Variants in ITGA9 observed in about 807,000 individuals in gnomAD.
The protein encoded by ITGA9 is integrin subunit alpha 9, also known as integrin alpha-9.
ITGA9 carries 56 observed loss-of-function variants against 127.8 expected under a neutral mutation model. The ratio of observed to expected loss-of-function variants is 0.44; its 90% CI spans 0.35 to 0.55. The LOEUF (loss-of-function observed/expected upper bound fraction) is 0.55, where lower values mean the gene tolerates loss of function less well. Ranked by LOEUF, ITGA9 falls within the 20% of genes least tolerant of loss-of-function variation. The probability of loss-of-function intolerance (pLI) is 0.00; values close to 1 mark genes in which losing one functional copy is unlikely to be tolerated. For synonymous variants in ITGA9, 508 were observed against 514.5 expected, an observed-to-expected ratio of 0.99 and a Z score of 0.17; for missense variants, 1,196 against 1,347.1, an observed-to-expected ratio of 0.89 and a Z score of 1.76.
chr3:37,578,813 A>G lies in ITGA9; in HGVS notation c.1689+36228A>G, dbSNP rs112462708. On this transcript the variant is annotated intron_variant, in intron 15 of 27. Coordinates refer to ENST00000264741, the MANE Select transcript of ITGA9 (RefSeq NM_002207.3). ...AGAGGGCTACAGGGAAAACTTCATC[A>G]TGATGGGAGGGAAGAAAGAAGGTAA... Among the ~76,000 whole-genome samples the G allele has an allele frequency of 3.5e-3, 486 of 136,952 alleles. 2 individuals are homozygous for G. The highest frequency in any genetic ancestry group is 0.013 in the African/African-American group (456 of 36,302). The allele number at this position is 136,952 out of a possible 152,430, so 89.8% of individuals were successfully genotyped here. A position where few individuals can be genotyped will look rare whatever the true frequency, so the allele number is the denominator to read the frequency against.
intron 18 of ITGA9, among the ~76,000 whole-genome samples, chr3:37,727,353 G>A (rs1180730440): frequency 6.6e-6 from 1 of 152,190 alleles, no homozygotes; most frequent in Non-Finnish European, 1.5e-5. Flanking sequence ...GTCTTTGCCA[G>A]ACAAGGAAAA....
At chr3:37,810,063 G>A (rs6776636) in intron 27 of ITGA9, among the ~76,000 whole-genome samples, 15,544 of 152,226 alleles carry the variant, frequency 0.1, 1,320 homozygotes, top group African/African-American at 0.23. Context: ...AGCGGTTGGC[G>A]GGGACAGTGT....
chr3:37,497,965 A>G (rs1698748559), intron 5 of ITGA9, among the ~76,000 whole-genome samples: 1 of 152,188 alleles, frequency 6.6e-6, no homozygotes, highest in South Asian at 2.1e-4. Context: ...GCAACAGGAC[A>G]GTGTAGAGGG....
intron 5 of ITGA9, 64 bp from the exon 6 acceptor site, chr3:37,503,114 A>G: frequency 1.9e-6 from 3 of 1,592,646 alleles, no homozygotes; most frequent in Non-Finnish European, 2.6e-6. Flanking sequence ...TGTGGTTCTC[A>G]TTGCATTCCC....
intron 18 of ITGA9, among the ~76,000 whole-genome samples, chr3:37,695,565 G>A (rs921596520): frequency 4.6e-5 from 7 of 152,188 alleles, no homozygotes; most frequent in East Asian, 3.8e-4. Flanking sequence ...GCTACAGTCC[G>A]TCACCATCCA....
At chr3:37,519,905 T>TG (rs1356223414) in intron 11 of ITGA9, among the ~76,000 whole-genome samples, 1 of 152,080 alleles carries the variant, frequency 6.6e-6, no homozygotes, top group Non-Finnish European at 1.5e-5. Flanking sequence ...GCCCAGCCCA[T>TG]GGGAAAAAAG....
intron 23 of ITGA9, among the ~76,000 whole-genome samples, chr3:37,771,947 C>T (rs770724261): frequency 1.3e-5 from 2 of 152,136 alleles, no homozygotes; most frequent in Non-Finnish European, 2.9e-5. Context: ...CTGCCCCAGC[C>T]CCATCCTCAG....
intron 9 of ITGA9, among the ~76,000 whole-genome samples, chr3:37,515,509 G>A (rs747852455): frequency 7.8e-4 from 119 of 152,302 alleles, no homozygotes; most frequent in Non-Finnish European, 1.5e-3. Flanking sequence ...AGGCCCAGGT[G>A]GGAGGATCAC....
In ITGA9 at chr3:37,788,806, T is replaced by A. The variant is rs1012130818; in HGVS notation, c.2889+3728T>A. Among the ~76,000 whole-genome samples, 6 of 152,298 alleles carry A rather than the reference T, an allele frequency of 3.9e-5. No homozygotes were observed. In the East Asian group the frequency reaches 5.8e-4, roughly 15 times the overall value. ...CCACATTTCATTTACCATGGTTTTTTAATTTAATTATTCTTTAAATTTTTC... is the reference window on the plus strand; with the variant it reads ...CCACATTTCATTTACCATGGTTTTTAAATTTAATTATTCTTTAAATTTTTC... On this transcript the variant is annotated intron_variant, in intron 26 of 27. Coordinates refer to ENST00000264741, the MANE Select transcript of ITGA9 (RefSeq NM_002207.3).
chr3:37,806,621 C>G lies in ITGA9; in HGVS notation c.3009+2679C>G. The stretch of plus-strand genomic sequence containing the variant: ...GATGCTGTCATGGGTGGGGAGAACC[C>G]TGAGGTCACCCAGCTGTGTGGGATC... On this transcript the variant is annotated intron_variant, in intron 27 of 27. Coordinates refer to ENST00000264741, the MANE Select transcript of ITGA9 (RefSeq NM_002207.3). The surrounding 1 kb of genome is among the most constrained non-coding windows in gnomAD (Gnocchi z 4.3). 1 of 152,334 alleles carries G rather than the reference C, an allele frequency of 6.6e-6. No individual in the cohort carries two copies. Among genetic ancestry groups the G allele is most frequent in the Non-Finnish European group, 1.5e-5 (1 of 68,098 alleles). 9.4% of individuals were successfully genotyped at this position (152,334 alleles called of 1,614,324 possible). A position where few individuals can be genotyped will look rare whatever the true frequency, so the allele number is the denominator to read the frequency against.
intron 15 of ITGA9, among the ~76,000 whole-genome samples, chr3:37,566,912 A>T (rs1344666311): frequency 6.6e-6 from 1 of 152,226 alleles, no homozygotes; most frequent in African/African-American, 2.4e-5. Context: ...TGTGGCTGAC[A>T]TTGATTACAC....
At chr3:37,804,706 C>A (rs1340101223) in intron 27 of ITGA9, among the ~76,000 whole-genome samples, 2 of 152,184 alleles carry the variant, frequency 1.3e-5, no homozygotes, top group Non-Finnish European at 1.5e-5. Flanking sequence ...AAAGTCCATA[C>A]TTCTCTAGAA....
At chr3:37,612,803 C>A (rs1356212781) in intron 15 of ITGA9, among the ~76,000 whole-genome samples, 3 of 152,198 alleles carry the variant, frequency 2.0e-5, no homozygotes, top group African/African-American at 7.2e-5. Context: ...CAGCCCTTTT[C>A]TTTCTGAGCT....
At chr3:37,712,466 C>G (rs866340587) in intron 18 of ITGA9, among the ~76,000 whole-genome samples, 5 of 152,224 alleles carry the variant, frequency 3.3e-5, no homozygotes, top group African/African-American at 9.6e-5. Flanking sequence ...TGTGAGGTAT[C>G]TGTACTTGTT....
chr3:37,486,579 C>T (rs2125561343), intron 4 of ITGA9, among the ~76,000 whole-genome samples: 1 of 152,278 alleles, frequency 6.6e-6, no homozygotes, highest in Middle Eastern at 3.4e-3. Flanking sequence ...CTTAAATATT[C>T]TCAGAAGGTG....
At chr3:37,636,602 A>T (rs1186575873) in intron 16 of ITGA9, among the ~76,000 whole-genome samples, 1 of 152,136 alleles carries the variant, frequency 6.6e-6, no homozygotes, top group African/African-American at 2.4e-5. Flanking sequence ...CTCTGATGGT[A>T]GTTTCTTTTG....
intron 15 of ITGA9, among the ~76,000 whole-genome samples, chr3:37,588,087 T>C (rs1699775824): frequency 6.6e-6 from 1 of 152,232 alleles, no homozygotes; most frequent in African/African-American, 2.4e-5. Context: ...GAGTTCTATC[T>C]GGATTCATCC....
At chr3:37,706,291 T>G (rs1445496747) in intron 18 of ITGA9, among the ~76,000 whole-genome samples, 1 of 152,202 alleles carries the variant, frequency 6.6e-6, no homozygotes, top group Non-Finnish European at 1.5e-5. Flanking sequence ...TCCGTCTCAG[T>G]TGGACTATCT....
intron 15 of ITGA9, among the ~76,000 whole-genome samples, chr3:37,608,192 A>G (rs953156967): frequency 2.0e-5 from 3 of 152,222 alleles, no homozygotes; most frequent in African/African-American, 7.2e-5. Context: ...CTGTGGTCAC[A>G]TTTACCTTGG....
Sources: gnomAD v4.1 joint callset for allele counts (sites outside exome capture counted in the v4.1 genomes callset) on GRCh38, gnomAD v4.1.1 for gene constraint, Gnocchi (gnomAD v3.1) non-coding constraint, MANE v1.5 for transcripts, NCBI Gene and HGNC (gene_info 2026-07-23, HGNC 2026-07-21) for gene names.